Variants in RIMS2 observed in about 807,000 individuals in gnomAD.
RIMS2 encodes the protein regulating synaptic membrane exocytosis 2.
Under a neutral mutation model 174.4 loss-of-function variants are expected in RIMS2, and 59 were observed. The ratio of observed to expected loss-of-function variants is 0.34; its 90% CI spans 0.27 to 0.42. The LOEUF is 0.42. Ranked by LOEUF, RIMS2 falls within the 10% of genes least tolerant of loss-of-function variation. The probability of loss-of-function intolerance (pLI) is 1.00; values close to 1 mark genes in which losing one functional copy is unlikely to be tolerated. For missense variants in RIMS2, 1,620 were observed against 1,666.3 expected (o/e 0.97, Z 0.48); for synonymous variants, 606 against 572.5 (o/e 1.06, Z -0.84).
chr8:103,768,618 T>C (rs1010986756), intron 3 of RIMS2: 1 of 1,090,056 alleles, frequency 9.2e-7, no homozygotes, highest in Admixed American at 1.7e-5. Context: ...ACTTGGTTAT[T>C]GTAAAAAAAG....
chr8:104,122,371 G>A (rs932838261), intron 19 of RIMS2, among the ~76,000 whole-genome samples: 1 of 152,132 alleles, frequency 6.6e-6, no homozygotes, highest in Non-Finnish European at 1.5e-5. Flanking sequence ...CCTGGAGCAT[G>A]CAGAGTTCTA....
intron 18 of RIMS2, 43 bp from the exon 21 acceptor site, chr8:104,014,463 T>C: frequency 1.9e-6 from 2 of 1,074,718 alleles, no homozygotes; most frequent in Non-Finnish European, 2.8e-6. Flanking sequence ...TAAAAATATG[T>C]AACTCATTAT....
chr8:104,040,484 G>A (rs1053011164), intron 19 of RIMS2, among the ~76,000 whole-genome samples: 3 of 151,630 alleles, frequency 2.0e-5, no homozygotes, highest in Non-Finnish European at 3.0e-5. Flanking sequence ...TAGCACTAGG[G>A]AAAAAAGTTT....
At chr8:104,156,168 T>G (rs1027235391) in intron 19 of RIMS2, among the ~76,000 whole-genome samples, 1 of 152,218 alleles carries the variant, frequency 6.6e-6, no homozygotes, top group Non-Finnish European at 1.5e-5. Flanking sequence ...TCATCAAATA[T>G]CAGTCCAATT....
intron 19 of RIMS2, among the ~76,000 whole-genome samples, chr8:104,116,935 A>G (rs1484183931): frequency 6.6e-6 from 1 of 152,106 alleles, no homozygotes; most frequent in Non-Finnish European, 1.5e-5. Flanking sequence ...ATAATTCTGC[A>G]TACACTGAGT....
At chr8:103,502,042 A>C (rs1266207049) in intron 1 of RIMS2, among the ~76,000 whole-genome samples, 1 of 152,234 alleles carries the variant, frequency 6.6e-6, no homozygotes, top group African/African-American at 2.4e-5. Flanking sequence ...TACTTTGTGA[A>C]AGAGGTTATT....
chr8:103,678,445 A>G (rs796139790), intron 1 of RIMS2, among the ~76,000 whole-genome samples: 24 of 152,292 alleles, frequency 1.6e-4, no homozygotes, highest in African/African-American at 5.0e-4. Flanking sequence ...TAAATGTCAT[A>G]TAATACAGTG....
intron 19 of RIMS2, among the ~76,000 whole-genome samples, chr8:104,186,083 C>T (rs977877097): frequency 2.0e-5 from 3 of 151,574 alleles, no homozygotes; most frequent in African/African-American, 7.3e-5. Context: ...CAATTCTTTG[C>T]AGCAACATGA....
At chr8:103,508,160 T>TA (rs1413824834) in intron 1 of RIMS2, among the ~76,000 whole-genome samples, 1 of 152,086 alleles carries the variant, frequency 6.6e-6, no homozygotes, top group African/African-American at 2.4e-5. Flanking sequence ...CCTAATGAAA[T>TA]ACAGATATCT....
intron 1 of RIMS2, among the ~76,000 whole-genome samples, chr8:103,572,007 G>T (rs189677571): frequency 1.3e-5 from 2 of 152,202 alleles, no homozygotes; most frequent in Non-Finnish European, 1.5e-5. Context: ...TGGGTTCTTG[G>T]TCTCTCTTGA....
At chr8:104,009,782 C>T (rs922296393) in intron 17 of RIMS2, among the ~76,000 whole-genome samples, 4 of 152,040 alleles carry the variant, frequency 2.6e-5, no homozygotes, top group African/African-American at 9.7e-5. Flanking sequence ...TTCAAGAAAA[C>T]CTATTACATT....
chr8:103,735,061 C>T (rs1186669174), intron 2 of RIMS2, among the ~76,000 whole-genome samples: 4 of 152,334 alleles, frequency 2.6e-5, no homozygotes, highest in East Asian at 1.9e-4. Flanking sequence ...CACCAACCCA[C>T]ACTCAGTCTT....
intron 1 of RIMS2, among the ~76,000 whole-genome samples, chr8:103,631,514 A>T (rs7817840): frequency 0.18 from 27,663 of 152,066 alleles, 2,742 homozygotes; most frequent in African/African-American, 0.26. Flanking sequence ...ACCAGTACCG[A>T]GCTGTTTGGT....
At chr8:103,549,369 TA>T (rs1846582389) in intron 1 of RIMS2, among the ~76,000 whole-genome samples, 1 of 152,160 alleles carries the variant, frequency 6.6e-6, no homozygotes, top group African/African-American at 2.4e-5. Context: ...CGAGCCAAAC[TA>T]AGCTTCATAA....
chr8:103,599,223 T>A (rs28709005), intron 1 of RIMS2, among the ~76,000 whole-genome samples: 2 of 151,446 alleles, frequency 1.3e-5, no homozygotes, highest in Non-Finnish European at 2.9e-5. Flanking sequence ...CAAATACAAA[T>A]GAATATTTGT....
intron 1 of RIMS2, among the ~76,000 whole-genome samples, chr8:103,683,150 T>C (rs2096900053): frequency 6.6e-6 from 1 of 152,142 alleles, no homozygotes; most frequent in South Asian, 2.1e-4. Flanking sequence ...CTGAGGCTGG[T>C]AATTTATAGG....
chr8:103,686,934 G>A lies in RIMS2; in HGVS notation c.177-10152G>A, dbSNP rs567296034. ...ATACCACCATGCCCAGCTTCTTTGT[G>A]TGGTTTTAGTGACAGAGTAATACTG... On this transcript the variant is annotated intron_variant, in intron 1 of 23. Transcript: ENST00000504942. 4.6e-5 allele frequency among the ~76,000 whole-genome samples: 7 copies of A among 152,076 alleles called. No individual in the cohort carries two copies. The South Asian group carries it at 1.5e-3, about 32-fold the overall frequency.
chr8:103,523,903 C>A (rs1832822324), intron 1 of RIMS2, among the ~76,000 whole-genome samples: 1 of 151,906 alleles, frequency 6.6e-6, no homozygotes, highest in Admixed American at 6.6e-5. Flanking sequence ...TAAGTACAAC[C>A]TATAGGTATG....
chr8:104,046,993 A>G (rs984254871), intron 19 of RIMS2, among the ~76,000 whole-genome samples: 1 of 152,086 alleles, frequency 6.6e-6, no homozygotes, highest in African/African-American at 2.4e-5. Context: ...ATAAAAATAT[A>G]TCACAAATTA....
Sources: gnomAD v4.1 joint callset for allele counts (sites outside exome capture counted in the v4.1 genomes callset) on GRCh38, gnomAD v4.1.1 for gene constraint, MANE v1.5 for transcripts, NCBI Gene and HGNC (gene_info 2026-07-23, HGNC 2026-07-21) for gene names.